The following CGN variants were observed in gnomAD, a reference collection of about 807,000 sequenced individuals.
CGN encodes the protein cingulin.
A neutral mutation model predicts 157.1 loss-of-function variants in CGN; 121 were observed. The ratio of observed to expected loss-of-function variants is 0.77; its 90% CI spans 0.66 to 0.90. The LOEUF is 0.90. Ranked by LOEUF, CGN falls within the 40% of genes least tolerant of loss-of-function variation. The pLI is 0.00. For synonymous variants in CGN, 535 were observed against 607.5 expected, an observed-to-expected ratio of 0.88 and a Z score of 1.76; for missense variants, 1,424 against 1,520.9, an observed-to-expected ratio of 0.94 and a Z score of 1.06.
chr1:151,518,679 G>T lies in CGN; in HGVS notation c.160G>T (p.Ala54Ser). Residue 54 changes from alanine (A) to serine (S), a missense_variant, in exon 2 of 21, where the codon GCT (alanine) becomes TCT (serine). Ala to Ser is a moderately conservative substitution (Grantham distance 99, BLOSUM62 1). Coordinates refer to ENST00000271636, the MANE Select transcript of CGN (RefSeq NM_020770.3). ...TGCAAGAGCCAGTACCTACGGGGTT[G>T]CTGTGCGTGTGCAGGGAATCGCTGG... Reference protein sequence around the residue: ...KDARASTYGVAVRVQGIAGQP... With the variant: ...KDARASTYGVSVRVQGIAGQP... The T allele has an allele frequency of 1.2e-6, 2 of 1,614,194 alleles. No individual in the cohort carries two copies. Among genetic ancestry groups the T allele is most frequent in the Non-Finnish European group, 1.7e-6 (2 of 1,180,044 alleles).
In CGN at chr1:151,535,941, T is replaced by C. The variant is rs764064667; in HGVS notation, c.3197+43T>C. On this transcript the variant is annotated intron_variant, in intron 18 of 20. Coordinates refer to ENST00000271636, the MANE Select transcript of CGN (RefSeq NM_020770.3). ...TTCCTCCCTTCCTCCCTCCTTTTCTTCCTCCCTCCCTCTTGGCTTTTCTCC... is the reference window on the plus strand; with the variant it reads ...TTCCTCCCTTCCTCCCTCCTTTTCTCCCTCCCTCCCTCTTGGCTTTTCTCC... The C allele has an allele frequency of 9.5e-6, 14 of 1,480,832 alleles. No individual in the cohort carries two copies. The Admixed American group carries it at 2.5e-4, about 26-fold the overall frequency. The allele number at this position is 1,480,832 out of a possible 1,614,324, so 91.7% of individuals were successfully genotyped here. A position where few individuals can be genotyped will look rare whatever the true frequency, so the allele number is the denominator to read the frequency against.
At chr1:151,519,537 A>G in intron 2 of CGN, 145 bp downstream of exon 2, 1 of 696,346 alleles carries the variant, frequency 1.4e-6, no homozygotes, top group Non-Finnish European at 2.3e-6. Flanking sequence ...GTATCTGTCC[A>G]CAAAATAGGT....
chr1:151,523,442 G>A lies in CGN; in HGVS notation c.1149G>A (p.Gln383=), dbSNP rs1664587667. The part of the protein sequence containing the change: ...RKLDEEVKKR[Q]KLEPSQVGLE... ...CTCATTCCCTTTTACAGAAGCGGCA[G>A]AAGCTAGAGCCATCCCAAGTTGGGC... The change falls in exon 6 of 21, where the codon CAG becomes CAA. Residue 383 remains glutamine (Q), a synonymous_variant. Transcript: ENST00000271636. 6.2e-7 allele frequency: 1 copy of A among 1,610,486 alleles called. No individual in the cohort carries two copies. Among genetic ancestry groups the A allele is most frequent in the South Asian group, 1.1e-5 (1 of 90,578 alleles).
chr1:151,512,836 T>C (rs1165745777), intron 1 of CGN, among the ~76,000 whole-genome samples: 2 of 152,234 alleles, frequency 1.3e-5, no homozygotes, highest in Non-Finnish European at 2.9e-5. Context: ...TGCCCGACTC[T>C]AAGAGGATTC....
At chr1:151,514,957 AT>A (rs2102485776) in intron 1 of CGN, among the ~76,000 whole-genome samples, 1 of 151,994 alleles carries the variant, frequency 6.6e-6, no homozygotes, top group Non-Finnish European at 1.5e-5. Context: ...CATGTTTAAT[AT>A]CTTGTTTTTC....
Position 151,535,661 on chromosome 1 carries a change from A to T in CGN, c.3056A>T (p.Asp1019Val). The T allele has an allele frequency of 1.2e-6, 2 of 1,614,104 alleles. No homozygotes were observed. The highest frequency in any genetic ancestry group is 1.1e-5 in the South Asian group (1 of 91,072). ...TCTGCTCGGCAGGACCTGGAGTGTG[A>T]CAAAATCTCCTTGGAGAGACAGGTG... is the stretch of plus-strand genomic sequence containing the variant. Reference protein sequence around the residue: ...ERSARQDLECDKISLERQNKD... With the variant: ...ERSARQDLECVKISLERQNKD... Residue 1019 changes from aspartate (D) to valine (V), a missense_variant, in exon 17 of 21, where the codon GAC becomes GTC. Asp to Val is a radical substitution (Grantham distance 152). Transcript: ENST00000271636.
At chr1:151,528,060 G>T (rs965386621) in intron 10 of CGN, 1 of 147,590 alleles carries the variant, frequency 6.8e-6, no homozygotes, top group Non-Finnish European at 1.4e-5. Flanking sequence ...GGTTCACGCC[G>T]TTCTCCTGCC....
At position 151,524,794 on chromosome 1, in the gene CGN, G is replaced by A; in HGVS notation, c.1522G>A (p.Val508Ile). 1 of 1,612,866 alleles carries A rather than the reference G, an allele frequency of 6.2e-7. No individual in the cohort carries two copies. Among genetic ancestry groups the A allele is most frequent in the Non-Finnish European group, 8.5e-7 (1 of 1,179,944 alleles). Residue 508 changes from valine to isoleucine, a missense_variant, in exon 8 of 21, where the codon GTA (valine) becomes ATA (isoleucine). Transcript: ENST00000271636. The surrounding 1 kb of genome is among the most constrained non-coding windows in gnomAD (Gnocchi z 4.4). ...CCTGAAGGGGGCCCTGAAAGAGGAG[G>A]TAGCCTCCCGTGACCAGGAGGTGGA... The part of the protein sequence containing the change: ...TALKGALKEE[V>I]ASRDQEVEHV...
intron 13 of CGN, among the ~76,000 whole-genome samples, chr1:151,531,412 C>A (rs1557992519): frequency 6.6e-6 from 1 of 152,182 alleles, no homozygotes; most frequent in Non-Finnish European, 1.5e-5. Flanking sequence ...ATAAAATTAG[C>A]CTGCTGTGGT....
chr1:151,526,449 A>G (rs754671625), intron 9 of CGN, among the ~76,000 whole-genome samples: 1 of 150,588 alleles, frequency 6.6e-6, no homozygotes, highest in Non-Finnish European at 1.5e-5. Flanking sequence ...CGCTGGGATT[A>G]CAGGCGTGAG....
Position 151,520,697 on chromosome 1 carries a change from G to A in CGN, c.1140+6G>A. On this transcript the variant is annotated splice_donor_region_variant and intron_variant, in intron 5 of 20. Coordinates refer to ENST00000271636, the MANE Select transcript of CGN (RefSeq NM_020770.3). ...AGCTGGATGAAGAGGTGAAGGTAAGGAAAGGTTAGAGGTGCCGGAGGCATG... is the reference window on the plus strand; with the variant it reads ...AGCTGGATGAAGAGGTGAAGGTAAGAAAAGGTTAGAGGTGCCGGAGGCATG... 6 of 1,611,344 alleles carry A rather than the reference G, an allele frequency of 3.7e-6. No homozygotes were observed. The highest frequency in any genetic ancestry group is 5.1e-6 in the Non-Finnish European group (6 of 1,178,554).
In CGN at chr1:151,518,619, A is replaced by G. The variant is rs756846779; in HGVS notation, c.100A>G (p.Thr34Ala). 3 of 1,613,984 alleles carry G rather than the reference A, an allele frequency of 1.9e-6. No homozygotes were observed. The highest frequency in any genetic ancestry group is 2.5e-6 in the Non-Finnish European group (3 of 1,179,998). The change falls in exon 2 of 21, where the codon ACT (threonine) becomes GCT (alanine). Residue 34 changes from threonine (T) to alanine (A), a missense_variant. By Grantham distance (58) the Thr-to-Ala change is moderately conservative. Coordinates refer to ENST00000271636, the MANE Select transcript of CGN (RefSeq NM_020770.3). ...GCCAGTGAGTGGTGCAGAGATGGGC[A>G]CTCTACGTCGAGGTGGACGACGCCC... ...TEPVSGAEMG[T>A]LRRGGRRPAK... is the part of the protein sequence containing the mutation.
intron 10 of CGN, among the ~76,000 whole-genome samples, chr1:151,528,153 C>T (rs1022425112): frequency 6.7e-6 from 1 of 150,324 alleles, no homozygotes; most frequent in Non-Finnish European, 1.5e-5. Context: ...AAAAAATACA[C>T]GTACTCAGTG....
At chr1:151,522,582 C>T (rs745719650) in intron 5 of CGN, among the ~76,000 whole-genome samples, 4 of 151,532 alleles carry the variant, frequency 2.6e-5, no homozygotes, top group Non-Finnish European at 5.9e-5. Context: ...GCCGAGATTG[C>T]GCCACTGCAC....
In CGN at chr1:151,535,053, A is replaced by C. The variant is rs1055148426; in HGVS notation, c.2916A>C (p.Ser972=). 3.7e-6 allele frequency: 6 copies of C among 1,613,616 alleles called. No homozygotes were observed. In the African/African-American group the frequency reaches 8.0e-5, roughly 22 times the overall value. ...RQLKGLEEKV[S]RLETELDEEK... ...TTCTTCTGTCCTAGGAAAAAGTCTC[A>C]CGGCTGGAAACAGAGTTAGATGAGG... Residue 972 remains serine (S), a synonymous_variant, in exon 16 of 21, where the codon TCA becomes TCC. Coordinates refer to ENST00000271636, the MANE Select transcript of CGN (RefSeq NM_020770.3).
rs745876761 is a variant in CGN, at chr1:151,532,955, T to A, written c.2742+383T>A. On this transcript the variant is annotated intron_variant, in intron 14 of 20. Coordinates refer to ENST00000271636, the MANE Select transcript of CGN (RefSeq NM_020770.3). The stretch of plus-strand genomic sequence containing the variant: ...TCTTAACTGAACCTGTGGCCAAGGG[T>A]CCCTGGGGCCCAGGTTTAGGTCTAA... 8.0e-4 allele frequency among the ~76,000 whole-genome samples: 121 copies of A among 152,062 alleles called. 1 individual carries two copies. Among genetic ancestry groups the A allele is most frequent in the Non-Finnish European group, 1.3e-3 (88 of 68,018 alleles).
Position 151,535,147 on chromosome 1 carries a change from C to T in CGN, c.2994+16C>T, listed in dbSNP as rs1557994129. ...CCGGGACCAGGTAACCGCCCCCACC[C>T]CTCATCTCTGTTTACCCCTGACTGC... On this transcript the variant is annotated intron_variant, in intron 16 of 20. Transcript: ENST00000271636. 1 of 1,599,636 alleles carries T rather than the reference C, an allele frequency of 6.3e-7. No homozygotes were observed. Among genetic ancestry groups the T allele is most frequent in the Non-Finnish European group, 8.6e-7 (1 of 1,167,824 alleles).
chr1:151,519,506 C>G, intron 2 of CGN, 114 bp downstream of exon 2: 1 of 947,354 alleles, frequency 1.1e-6, no homozygotes, highest in Non-Finnish European at 1.5e-6. Flanking sequence ...GGCAGAAACT[C>G]TCTGCCTTTT....
At chr1:151,525,840 CT>C in intron 9 of CGN, 50 bp downstream of exon 9, 1 of 1,281,898 alleles carries the variant, frequency 7.8e-7, no homozygotes, top group Non-Finnish European at 1.0e-6. Flanking sequence ...ATGCCACTTC[CT>C]TTCTTTTTTT....
Sources: gnomAD v4.1 joint callset for allele counts (sites outside exome capture counted in the v4.1 genomes callset) on GRCh38, gnomAD v4.1.1 for gene constraint, Gnocchi (gnomAD v3.1) non-coding constraint, MANE v1.5 for transcripts, NCBI Gene and HGNC (gene_info 2026-07-23, HGNC 2026-07-21) for gene names.